KRAS: variants seen among roughly 807,000 people sequenced by gnomAD.
KRAS encodes the protein KRas proto-oncogene, GTPase, also known as GTPase KRas.
Under a neutral mutation model 21.0 loss-of-function variants are expected in KRAS, and 1 was observed. The observed-to-expected ratio is 0.05, with a 90% confidence interval of 0.02 to 0.23. The LOEUF is 0.23. Among genes scored for constraint, KRAS ranks in the 10% least tolerant of loss-of-function variants. The pLI is 1.00. For missense variants in KRAS, 107 were observed against 221.8 expected (o/e 0.48, Z 3.29); for synonymous variants, 67 against 72.5 (o/e 0.92, Z 0.39).
At chr12:25,234,740 C>G (rs1447821543) in intron 2 of KRAS, 1 of 190,692 alleles carries the variant, frequency 5.2e-6, no homozygotes, top group African/African-American at 2.3e-5. Flanking sequence ...ACCAGAACAT[C>G]AAGTTTGTCA....
intron 4 of KRAS, among the ~76,000 whole-genome samples, chr12:25,222,863 C>T (rs566089212): frequency 1.3e-5 from 2 of 152,220 alleles, no homozygotes; most frequent in African/African-American, 2.4e-5. Flanking sequence ...AAAAAGGAGA[C>T]ACAGCTATTT....
intron 2 of KRAS, among the ~76,000 whole-genome samples, chr12:25,227,745 G>A (rs1951411230): frequency 6.6e-6 from 1 of 152,174 alleles, no homozygotes; most frequent in African/African-American, 2.4e-5. Context: ...TTTGTGCATT[G>A]CTGGTGGGAA....
chr12:25,239,518 A>G (rs1293757568), intron 2 of KRAS, among the ~76,000 whole-genome samples: 1 of 152,242 alleles, frequency 6.6e-6, no homozygotes, highest in Non-Finnish European at 1.5e-5. Flanking sequence ...ACACTGCAAG[A>G]TCCATAATTT....
chr12:25,245,431 G>C (rs748607699), intron 1 of KRAS, 36 bp from the exon 2 acceptor site: 1 of 1,555,078 alleles, frequency 6.4e-7, no homozygotes, highest in African/African-American at 1.4e-5. Context: ...GACTATATTA[G>C]AACATGTCAC....
In KRAS at chr12:25,206,941, A is replaced by C. The variant is rs1190603718; in HGVS notation, c.*2854T>G. On this transcript the variant is annotated 3_prime_UTR_variant, in exon 5 of 5. Coordinates refer to ENST00000311936, the MANE Select transcript of KRAS (RefSeq NM_004985.5). ...CACAGTTATGCCAAATAAAAAAACA[A>C]TATAATCAAGTTTATTCCTTTAAAA... 4.9e-6 allele frequency: 1 copy of C among 205,086 alleles called. No individual in the cohort carries two copies. The highest frequency in any genetic ancestry group is 1.0e-5 in the Non-Finnish European group (1 of 100,148). 12.7% of individuals were successfully genotyped at this position (205,086 alleles called of 1,614,324 possible).
At chr12:25,218,394 C>T (rs1192328732) in intron 4 of KRAS, among the ~76,000 whole-genome samples, 1 of 149,658 alleles carries the variant, frequency 6.7e-6, no homozygotes, top group Non-Finnish European at 1.5e-5. Context: ...ATCCCCACCA[C>T]CAATAGTGAA....
rs556288306 is a variant in KRAS, at chr12:25,205,988, T to C, written c.*3807A>G. The C allele has an allele frequency of 1.4e-5, 3 of 212,398 alleles. No individual in the cohort carries two copies. The highest frequency in any genetic ancestry group is 4.5e-5 in the African/African-American group (2 of 44,380). The allele number at this position is 212,398 out of a possible 1,614,324, so 13.2% of individuals were successfully genotyped here. On this transcript the variant is annotated 3_prime_UTR_variant, in exon 5 of 5. Coordinates refer to ENST00000311936, the MANE Select transcript of KRAS (RefSeq NM_004985.5). ...GTAACTGCTGGGTTCTAAAAAACATTACTACACAATTATCAAGAAATCATT... is the reference window on the plus strand; with the variant it reads ...GTAACTGCTGGGTTCTAAAAAACATCACTACACAATTATCAAGAAATCATT...
At chr12:25,227,101 G>A in intron 3 of KRAS, 133 bp downstream of exon 3, 1 of 590,922 alleles carries the variant, frequency 1.7e-6, no homozygotes, top group Non-Finnish European at 2.8e-6. Context: ...ATAAAACAGG[G>A]ATATTACCTA....
rs1951181303 is a variant in KRAS, at chr12:25,209,579, G to T, written c.*216C>A. The T allele has an allele frequency of 7.5e-7, 1 of 1,338,568 alleles. No homozygotes were observed. The highest frequency in any genetic ancestry group is 9.5e-7 in the Non-Finnish European group (1 of 1,048,294). The allele number at this position is 1,338,568 out of a possible 1,614,324, so 82.9% of individuals were successfully genotyped here. ...ATTCAGTTTCTTTTTCACAGGCATTGCTAGTTCAAAAACCAAAACTCTGGG... is the reference window on the plus strand; with the variant it reads ...ATTCAGTTTCTTTTTCACAGGCATTTCTAGTTCAAAAACCAAAACTCTGGG... On this transcript the variant is annotated 3_prime_UTR_variant, in exon 5 of 5. Transcript: ENST00000311936.
At chr12:25,236,976 A>G (rs1951552291) in intron 2 of KRAS, among the ~76,000 whole-genome samples, 1 of 152,218 alleles carries the variant, frequency 6.6e-6, no homozygotes, top group Non-Finnish European at 1.5e-5. Flanking sequence ...AAAATTGCCA[A>G]AAAGAGGAAA....
rs1434736773 is a variant in KRAS at position 25,208,229 on chromosome 12, G to A, written c.*1566C>T. The A allele has an allele frequency of 1.7e-5, 4 of 232,800 alleles. No homozygotes were observed. The highest frequency in any genetic ancestry group is 8.8e-5 in the African/African-American group (4 of 45,216). The allele number at this position is 232,800 out of a possible 1,614,324, so 14.4% of individuals were successfully genotyped here. On this transcript the variant is annotated 3_prime_UTR_variant, in exon 5 of 5. Coordinates refer to ENST00000311936, the MANE Select transcript of KRAS (RefSeq NM_004985.5). ...TAACATGAAGAAATGGATAGTAAGT[G>A]ATGTCCTCAAAATCAGAGTCCTAAA...
At chr12:25,246,147 CAAAAAAA>C (rs35617676) in intron 1 of KRAS, among the ~76,000 whole-genome samples, 1 of 84,452 alleles carries the variant, frequency 1.2e-5, no homozygotes. Flanking sequence ...GACTCCGTCT[CAAAAAAA>C]AAAAAAAAAA....
chr12:25,222,599 A>G (rs1413408631), intron 4 of KRAS, among the ~76,000 whole-genome samples: 1 of 152,182 alleles, frequency 6.6e-6, no homozygotes. Flanking sequence ...GTATCCCTCC[A>G]TTTTTAATTA....
intron 2 of KRAS, among the ~76,000 whole-genome samples, chr12:25,227,637 A>G (rs1369097783): frequency 2.0e-5 from 3 of 152,168 alleles, no homozygotes. Context: ...ATGAGATGCT[A>G]CCACATACCC....
At chr12:25,245,832 C>G (rs1951672174) in intron 1 of KRAS, among the ~76,000 whole-genome samples, 1 of 152,138 alleles carries the variant, frequency 6.6e-6, no homozygotes, top group South Asian at 2.1e-4. Context: ...TTACAGTTTT[C>G]CTAGTGGACC....
intron 1 of KRAS, among the ~76,000 whole-genome samples, chr12:25,247,665 G>A (rs974226765): frequency 1.3e-5 from 2 of 152,166 alleles, no homozygotes; most frequent in East Asian, 3.8e-4. Flanking sequence ...CTTTTCTGGT[G>A]TGCAAGAGGT....
At chr12:25,237,668 T>C (rs1951561298) in intron 2 of KRAS, among the ~76,000 whole-genome samples, 1 of 152,196 alleles carries the variant, frequency 6.6e-6, no homozygotes, top group Non-Finnish European at 1.5e-5. Context: ...TCACATCTTC[T>C]CTAAGCTATT....
intron 3 of KRAS, among the ~76,000 whole-genome samples, chr12:25,226,476 T>C (rs572861321): frequency 6.6e-5 from 10 of 152,258 alleles, no homozygotes; most frequent in African/African-American, 2.4e-4. Flanking sequence ...GAGCTGAAAT[T>C]TGGTAACTCC....
chr12:25,244,308 G>A (rs1592822418), intron 2 of KRAS, among the ~76,000 whole-genome samples: 1 of 151,986 alleles, frequency 6.6e-6, no homozygotes, highest in Non-Finnish European at 1.5e-5. Flanking sequence ...CTTAACCCAG[G>A]GTAAAGAAGC....
Sources: gnomAD v4.1 joint callset for allele counts (sites outside exome capture counted in the v4.1 genomes callset) on GRCh38, gnomAD v4.1.1 for gene constraint, MANE v1.5 for transcripts, NCBI Gene and HGNC (gene_info 2026-07-23, HGNC 2026-07-21) for gene names.